CA10: variants seen among roughly 807,000 people sequenced by gnomAD.
The protein encoded by CA10 is carbonic anhydrase 10 (inactive).
CA10 carries 14 observed loss-of-function variants against 44.2 expected under a neutral mutation model. That is an observed-to-expected ratio of 0.32 (90% CI 0.21 to 0.50). The LOEUF (loss-of-function observed/expected upper bound fraction) is 0.50. Ranked by LOEUF, CA10 falls within the 20% of genes least tolerant of loss-of-function variation. The pLI, the probability that CA10 is intolerant of heterozygous loss-of-function variation, is 0.99. For missense variants in CA10, 350 were observed against 409.7 expected, an observed-to-expected ratio of 0.85 and a Z score of 1.26; for synonymous variants, 159 against 141.6, an observed-to-expected ratio of 1.12 and a Z score of -0.87.
intron 2 of CA10, among the ~76,000 whole-genome samples, chr17:52,009,542 C>A (rs576281775): frequency 6.6e-6 from 1 of 151,954 alleles, no homozygotes; most frequent in South Asian, 2.1e-4. Context: ...AAGAATCAAC[C>A]CCTCAACGTT....
chr17:51,902,192 T>C (rs1191376850), intron 3 of CA10, among the ~76,000 whole-genome samples: 1 of 152,192 alleles, frequency 6.6e-6, no homozygotes, highest in Non-Finnish European at 1.5e-5. Flanking sequence ...AAGGATCTTT[T>C]GGGGCCTCGA....
intron 2 of CA10, among the ~76,000 whole-genome samples, chr17:51,946,390 G>T (rs1020273880): frequency 6.6e-6 from 1 of 152,252 alleles, no homozygotes; most frequent in Non-Finnish European, 1.5e-5. Flanking sequence ...TCAGATGCTT[G>T]TAGTATCTCT....
intron 7 of CA10, 44 bp downstream of exon 7, chr17:51,635,811 A>G (rs1279327773): frequency 6.9e-7 from 1 of 1,450,096 alleles, no homozygotes; most frequent in Non-Finnish European, 9.3e-7. Flanking sequence ...TTTTTTTTTA[A>G]CATCATTCTT....
At chr17:51,677,459 C>T (rs1567799659) in intron 4 of CA10, among the ~76,000 whole-genome samples, 1 of 152,146 alleles carries the variant, frequency 6.6e-6, no homozygotes, top group African/African-American at 2.4e-5. Flanking sequence ...TGAGGCCCCC[C>T]CAGAAGCAGA....
intron 6 of CA10, among the ~76,000 whole-genome samples, chr17:51,638,863 G>A (rs565684104): frequency 1.3e-5 from 2 of 152,252 alleles, no homozygotes; most frequent in South Asian, 2.1e-4. Flanking sequence ...CGGGTAGGGT[G>A]TCAAGGCCAC....
chr17:52,145,911 G>A (rs538831551), intron 1 of CA10, among the ~76,000 whole-genome samples: 3 of 151,998 alleles, frequency 2.0e-5, no homozygotes, highest in South Asian at 2.1e-4. Flanking sequence ...AAAAAAATTC[G>A]ATAAATATCT....
At chr17:51,730,778 A>C (rs1916684559) in intron 4 of CA10, among the ~76,000 whole-genome samples, 1 of 152,180 alleles carries the variant, frequency 6.6e-6, no homozygotes. Flanking sequence ...TAACCTGTTG[A>C]CATTTTTCAA....
At chr17:51,804,076 AAATT>A (rs1452630418) in intron 3 of CA10, among the ~76,000 whole-genome samples, 1 of 152,198 alleles carries the variant, frequency 6.6e-6, no homozygotes, top group African/African-American at 2.4e-5. Flanking sequence ...TGTGCATAAT[AAATT>A]ATTTATTATA....
chr17:51,686,216 C>T (rs1456523980), intron 4 of CA10, among the ~76,000 whole-genome samples: 1 of 152,162 alleles, frequency 6.6e-6, no homozygotes. Flanking sequence ...CGTGACTTTG[C>T]TCCTCATTCA....
intron 3 of CA10, among the ~76,000 whole-genome samples, chr17:51,877,646 T>C (rs1439562588): frequency 1.3e-5 from 2 of 152,202 alleles, no homozygotes; most frequent in Non-Finnish European, 2.9e-5. Flanking sequence ...GGTGTGCTGG[T>C]ACACCATCTA....
intron 2 of CA10, among the ~76,000 whole-genome samples, chr17:51,988,073 A>G (rs1054814237): frequency 2.0e-5 from 3 of 152,094 alleles, no homozygotes; most frequent in Non-Finnish European, 4.4e-5. Context: ...TAGTAATGTC[A>G]TAAGGGAAAT....
chr17:51,686,085 CG>C (rs5820873), intron 4 of CA10, among the ~76,000 whole-genome samples: 20 of 149,228 alleles, frequency 1.3e-4, no homozygotes, highest in South Asian at 6.3e-4. Flanking sequence ...AATCATGGGT[CG>C]GGGGGGGCGT....
Position 51,674,016 on chromosome 17 carries a change from T to G in CA10, c.466-20280A>C, listed in dbSNP as rs540169860. ...AACTCTTACTCATCCTTCAAAACCC[T>G]GCTCAGGCTTCACCCTCCAGGTAGA... is the stretch of plus-strand genomic sequence containing the variant. On this transcript the variant is annotated intron_variant, in intron 4 of 8. Transcript: ENST00000451037. 7.9e-5 allele frequency among the ~76,000 whole-genome samples: 12 copies of G among 152,328 alleles called. No individual in the cohort carries two copies. In the East Asian group the frequency reaches 2.3e-3, roughly 29 times the overall value.
chr17:52,098,902 C>T (rs1196120352), intron 1 of CA10, among the ~76,000 whole-genome samples: 1 of 152,164 alleles, frequency 6.6e-6, no homozygotes. Context: ...CGTGAGCATT[C>T]GTACCTGGTG....
At chr17:51,831,980 C>G (rs953059422) in intron 3 of CA10, among the ~76,000 whole-genome samples, 7 of 152,180 alleles carry the variant, frequency 4.6e-5, no homozygotes, top group African/African-American at 1.7e-4. Context: ...TTGACAAGAT[C>G]TGGCAATGGG....
intron 4 of CA10, among the ~76,000 whole-genome samples, chr17:51,687,736 C>A (rs1445878568): frequency 6.6e-6 from 1 of 152,102 alleles, no homozygotes; most frequent in East Asian, 1.9e-4. Flanking sequence ...AATGTCCTTG[C>A]TCTTATAAAA....
At chr17:51,897,760 T>C (rs1045931832) in intron 3 of CA10, among the ~76,000 whole-genome samples, 29 of 152,310 alleles carry the variant, frequency 1.9e-4, no homozygotes, top group East Asian at 1.4e-3. Flanking sequence ...TTTGTAATTC[T>C]CATTGTAGAG....
chr17:51,692,366 C>G (rs1348628065), intron 4 of CA10, among the ~76,000 whole-genome samples: 2 of 141,174 alleles, frequency 1.4e-5, no homozygotes, highest in Non-Finnish European at 3.1e-5. Context: ...ACCTATCCAT[C>G]CTATCTATCT....
chr17:52,148,317 A>G (rs1989632328), intron 1 of CA10, among the ~76,000 whole-genome samples: 2 of 152,268 alleles, frequency 1.3e-5, no homozygotes, highest in African/African-American at 4.8e-5. Context: ...AAGTAGGAAC[A>G]GAGATGACAT....
Sources: allele counts gnomAD v4.1 joint callset (sites outside exome capture counted in the v4.1 genomes callset), GRCh38; gene constraint gnomAD v4.1.1; transcripts MANE v1.5; gene names NCBI Gene and HGNC (gene_info 2026-07-23, HGNC 2026-07-21).